The following CD247 variants were observed in gnomAD, a reference collection of about 807,000 sequenced individuals.
CD247 encodes the protein CD247 molecule.
CD247 carries 13 observed loss-of-function variants against 30.0 expected under a neutral mutation model. The observed-to-expected ratio is 0.43, with a 90% CI of 0.28 to 0.69. The LOEUF (loss-of-function observed/expected upper bound fraction) is 0.69. Among genes scored for constraint, CD247 ranks in the 30% least tolerant of loss-of-function variants. The pLI, the probability that CD247 is intolerant of heterozygous loss-of-function variation, is 0.16. For missense variants in CD247, 193 were observed against 212.6 expected (o/e 0.91, Z 0.57); for synonymous variants, 72 against 80.0 (o/e 0.90, Z 0.53).
chr1:167,477,690 T>C (rs1321797745), intron 1 of CD247, among the ~76,000 whole-genome samples: 2 of 152,104 alleles, frequency 1.3e-5, no homozygotes, highest in Non-Finnish European at 2.9e-5. Context: ...CCACCACTTT[T>C]GGCTAATGTT....
intron 1 of CD247, among the ~76,000 whole-genome samples, chr1:167,492,853 T>C (rs1195703067): frequency 6.6e-6 from 1 of 152,022 alleles, no homozygotes; most frequent in Non-Finnish European, 1.5e-5. Context: ...AAAGGCATCA[T>C]TCCAGGAGCT....
At chr1:167,466,044 T>C (rs1653229985) in intron 1 of CD247, among the ~76,000 whole-genome samples, 1 of 152,238 alleles carries the variant, frequency 6.6e-6, no homozygotes. Context: ...ATTTACTGCA[T>C]AGAAATTCCT....
intron 1 of CD247, among the ~76,000 whole-genome samples, chr1:167,484,732 G>A (rs35219799): frequency 0.16 from 24,977 of 152,122 alleles, 2,310 homozygotes; most frequent in Admixed American, 0.29. Context: ...AGCCGAGATC[G>A]CGCCACCGCA....
At chr1:167,515,661 G>A (rs560319589) in intron 1 of CD247, among the ~76,000 whole-genome samples, 2 of 152,228 alleles carry the variant, frequency 1.3e-5, no homozygotes, top group East Asian at 3.9e-4. Context: ...TTTCACTATC[G>A]GGCCTACCTC....
intron 1 of CD247, among the ~76,000 whole-genome samples, chr1:167,515,924 C>T (rs1235025731): frequency 3.9e-5 from 6 of 152,242 alleles, no homozygotes; most frequent in Non-Finnish European, 8.8e-5. Flanking sequence ...CATTACATTA[C>T]TTCTCATTGT....
At chr1:167,439,517 A>C in intron 2 of CD247, 117 bp from the exon 3 acceptor site, 1 of 862,616 alleles carries the variant, frequency 1.2e-6, no homozygotes, top group South Asian at 1.4e-5. Context: ...GCAACTAACA[A>C]TGCTGCCCTG....
intron 1 of CD247, among the ~76,000 whole-genome samples, chr1:167,491,555 G>GA: frequency 7.7e-6 from 1 of 130,574 alleles, no homozygotes; most frequent in Non-Finnish European, 1.7e-5. Context: ...CAACAAGAGC[G>GA]AAACTCCATC....
chr1:167,484,350 A>G (rs1159696742), intron 1 of CD247, among the ~76,000 whole-genome samples: 1 of 152,186 alleles, frequency 6.6e-6, no homozygotes, highest in Non-Finnish European at 1.5e-5. Flanking sequence ...CTCAGTCACA[A>G]GGACAGCAGG....
At chr1:167,511,732 G>A (rs1260992176) in intron 1 of CD247, among the ~76,000 whole-genome samples, 7 of 152,042 alleles carry the variant, frequency 4.6e-5, no homozygotes, top group Non-Finnish European at 7.4e-5. Context: ...GATGGTGTAC[G>A]GACCTGGGCG....
intron 1 of CD247, among the ~76,000 whole-genome samples, chr1:167,517,662 C>T (rs965203690): frequency 6.6e-6 from 1 of 152,188 alleles, no homozygotes; most frequent in African/African-American, 2.4e-5. Flanking sequence ...TCTGTCAATG[C>T]CGGGCCCTCT....
intron 4 of CD247, among the ~76,000 whole-genome samples, 184 bp from the exon 5 acceptor site, chr1:167,435,618 T>C (rs1235955069): frequency 1.3e-5 from 2 of 152,184 alleles, no homozygotes; most frequent in Non-Finnish European, 2.9e-5. Flanking sequence ...ACTACATGGC[T>C]CATACTTGGT....
chr1:167,489,560 C>T (rs923282506), intron 1 of CD247, among the ~76,000 whole-genome samples: 4 of 152,128 alleles, frequency 2.6e-5, no homozygotes, highest in Admixed American at 1.3e-4. Flanking sequence ...GCTGTTTGCT[C>T]AGAAAAACAG....
intron 1 of CD247, among the ~76,000 whole-genome samples, chr1:167,486,803 G>A (rs1349657102): frequency 1.3e-5 from 2 of 152,234 alleles, no homozygotes; most frequent in African/African-American, 2.4e-5. Context: ...TGGGCATGGT[G>A]GCTCGTGCCT....
intron 1 of CD247, among the ~76,000 whole-genome samples, chr1:167,499,940 CA>C (rs1654836423): frequency 1.3e-5 from 2 of 152,296 alleles, no homozygotes; most frequent in South Asian, 4.1e-4. Flanking sequence ...GGCAAAACTA[CA>C]AAGTGTGCCA....
At chr1:167,463,749 T>C (rs908584609) in intron 1 of CD247, among the ~76,000 whole-genome samples, 1 of 152,220 alleles carries the variant, frequency 6.6e-6, no homozygotes, top group African/African-American at 2.4e-5. Context: ...TCTACATAGA[T>C]TCATTTTCTA....
At chr1:167,435,959 G>A (rs1651527782) in intron 4 of CD247, among the ~76,000 whole-genome samples, 1 of 152,228 alleles carries the variant, frequency 6.6e-6, no homozygotes, top group Non-Finnish European at 1.5e-5. Context: ...CCAGCACAGG[G>A]ATCAGCCTGG....
At chr1:167,431,821 C>T in intron 7 of CD247, 75 bp from the exon 8 acceptor site, 1 of 1,254,870 alleles carries the variant, frequency 8.0e-7, no homozygotes, top group East Asian at 2.3e-5. Context: ...CAGAGGCCAA[C>T]AGGTGTCTCT....
At chr1:167,445,707 C>T (rs143101880) in intron 1 of CD247, among the ~76,000 whole-genome samples, 1,909 of 152,230 alleles carry the variant, frequency 0.013, 17 homozygotes, top group Non-Finnish European at 0.017. Context: ...CTGTCTGTCT[C>T]TGAGCCAGAC....
intron 1 of CD247, among the ~76,000 whole-genome samples, chr1:167,477,812 A>G (rs953433166): frequency 6.6e-6 from 1 of 152,192 alleles, no homozygotes; most frequent in Admixed American, 6.5e-5. Context: ...GACAGGTGTG[A>G]GCCACTGTGC....
Sources: allele counts gnomAD v4.1 joint callset (sites outside exome capture counted in the v4.1 genomes callset), GRCh38; gene constraint gnomAD v4.1.1; transcripts MANE v1.5; gene names NCBI Gene and HGNC (gene_info 2026-07-23, HGNC 2026-07-21).